Variants in SYTL2 observed in about 807,000 individuals in gnomAD.
SYTL2 encodes the protein synaptotagmin like 2.
Under a neutral mutation model 198.7 loss-of-function variants are expected in SYTL2, and 165 were observed. The ratio of observed to expected loss-of-function variants is 0.83; its 90% CI spans 0.73 to 0.94. The LOEUF (loss-of-function observed/expected upper bound fraction) is 0.94. SYTL2 is among the 40% of genes least tolerant of loss of function. The pLI, the probability that SYTL2 is intolerant of heterozygous loss-of-function variation, is 0.00. For synonymous variants in SYTL2, 966 were observed against 917.7 expected (o/e 1.05, Z -0.95); for missense variants, 2,835 against 2,582.8 (o/e 1.10, Z -2.12).
the SYTL2 span, among the ~76,000 whole-genome samples, chr11:85,821,898 T>C: frequency 6.6e-6 from 1 of 152,188 alleles, no homozygotes; most frequent in African/African-American, 2.4e-5. Flanking sequence ...TGAATAGCTC[T>C]ACCTGAATGA....
At position 85,726,223 on chromosome 11, in the gene SYTL2, A is replaced by T; in HGVS notation, c.3135T>A (p.Val1045=). The T allele has an allele frequency of 6.2e-7, 1 of 1,613,118 alleles. No individual in the cohort carries two copies. The highest frequency in any genetic ancestry group is 1.3e-5 in the African/African-American group (1 of 74,922). Residue 1045 remains valine (V), a synonymous_variant, in exon 8 of 20, where the codon GTT becomes GTA. Transcript: ENST00000359152. ...ATTTCTCCATTTCCTCTCTTGCCATAACTTTTTTTGGGCTTAGAAGCACCT... is the reference window on the plus strand; with the variant it reads ...ATTTCTCCATTTCCTCTCTTGCCATTACTTTTTTTGGGCTTAGAAGCACCT... ...EAEVLLSPKK[V]MAREEMEKLN... is the part of the protein sequence containing the mutation.
In SYTL2 at chr11:85,714,501, G is replaced by A. The variant is rs1485878761; in HGVS notation, c.5537C>T (p.Thr1846Ile). The change falls in exon 12 of 20, where the codon ACA (threonine) becomes ATA (isoleucine). Residue 1846 changes from threonine (T) to isoleucine (I), a missense_variant. Transcript: ENST00000359152. ...TGGATTATCAGGTTGTGTAGGCACT[G>A]TGGAAACTAAACAGCAGCATTTCCA... is the stretch of plus-strand genomic sequence containing the variant. ...VTNECVPRISTVPTQPDNPFS... is the reference protein window; with the variant it reads ...VTNECVPRISIVPTQPDNPFS... 1 of 1,611,892 alleles carries A rather than the reference G, an allele frequency of 6.2e-7. No homozygotes were observed. Among genetic ancestry groups the A allele is most frequent in the Non-Finnish European group, 8.5e-7 (1 of 1,178,222 alleles).
rs780214582 is a variant in SYTL2 at position 85,737,611 on chromosome 11, C to T, written c.435G>A (p.Gln145=). The T allele has an allele frequency of 1.2e-6, 2 of 1,613,936 alleles. No individual in the cohort carries two copies. The highest frequency in any genetic ancestry group is 2.2e-5 in the South Asian group (2 of 91,064). The part of the protein sequence containing the change: ...NPASSVIDMS[Q]ENTRKPNVSP... ...ACACATTTGGTTTCCTTGTGTTTTC[C>T]TGGGACATATCAATCACACTGGAAG... Residue 145 remains glutamine (Q), a synonymous_variant, in exon 5 of 20, where the codon CAG becomes CAA. Transcript: ENST00000359152.
intron 7 of SYTL2, 50 bp downstream of exon 7, chr11:85,733,889 G>C (rs369031745): frequency 1.3e-6 from 2 of 1,527,716 alleles, no homozygotes; most frequent in Non-Finnish European, 1.8e-6. Context: ...GTGAGCCACC[G>C]CGCCCGGCCC....
chr11:85,824,336 G>C, the SYTL2 span, among the ~76,000 whole-genome samples: 7 of 152,010 alleles, frequency 4.6e-5, no homozygotes, highest in African/African-American at 1.7e-4. Flanking sequence ...GTGTGTGTGA[G>C]GAGGGAAGGA....
intron 1 of SYTL2, among the ~76,000 whole-genome samples, chr11:85,770,612 C>A (rs1303417720): frequency 6.6e-6 from 1 of 152,142 alleles, no homozygotes; most frequent in African/African-American, 2.4e-5. Context: ...AACTACAGCC[C>A]ATCCATTCCC....
At chr11:85,793,870 T>C (rs10898409) in intron 1 of SYTL2, among the ~76,000 whole-genome samples, 19,490 of 152,202 alleles carry the variant, frequency 0.13, 1,605 homozygotes, top group African/African-American at 0.23. Context: ...CTCATACAGA[T>C]ATGAACCCTG....
chr11:85,766,665 T>C (rs1000045909), intron 1 of SYTL2, among the ~76,000 whole-genome samples: 1 of 152,114 alleles, frequency 6.6e-6, no homozygotes, highest in African/African-American at 2.4e-5. Context: ...AGAGGGTAAT[T>C]TGTATGCGCC....
In SYTL2 at chr11:85,727,618, T is replaced by C. The variant is rs1257173558; in HGVS notation, c.1740A>G (p.Lys580=). 6.5e-7 allele frequency: 1 copy of C among 1,536,086 alleles called. No homozygotes were observed. Residue 580 remains lysine, a synonymous_variant, in exon 8 of 20, where the codon AAA becomes AAG. Transcript: ENST00000359152. Reference sequence around the variant, plus strand: ...CAGATCTCACAGGCTTCAATTCAATTTTGCTGGGTGATAGGGTCTTTGAGC... The same window carrying C: ...CAGATCTCACAGGCTTCAATTCAATCTTGCTGGGTGATAGGGTCTTTGAGC... ...ENGSKTLSPS[K]IELKPVRSDS...
rs2083658438 is a variant in SYTL2 at position 85,697,980 on chromosome 11, A to G, written c.6367T>C (p.Cys2123Arg). The change falls in exon 18 of 20, where the codon TGT (cysteine) becomes CGT (arginine). Residue 2123 changes from cysteine (C) to arginine (R), a missense_variant and splice_region_variant. Around this residue, in one of 3 missense-constraint regions of SYTL2, gnomAD observed 185 missense variants for 182.1 expected, o/e 1.02. Transcript: ENST00000359152. ...AGACAGAGTCATCAATACTATTACC[A>G]TTTAACAAAAGAATTTAGATGACTT... ...RGSHLNSFVK[C>R]TILPDTSRKS... 2 of 1,605,080 alleles carry G rather than the reference A, an allele frequency of 1.2e-6. No homozygotes were observed. Among genetic ancestry groups the G allele is most frequent in the East Asian group, 4.5e-5 (2 of 44,832 alleles).
intron 4 of SYTL2, among the ~76,000 whole-genome samples, chr11:85,742,635 C>G (rs560794350): frequency 4.1e-4 from 62 of 152,298 alleles, no homozygotes; most frequent in African/African-American, 1.5e-3. Context: ...ACGGGCTTAT[C>G]TTTTGCATGC....
chr11:85,778,384 G>A (rs763950848), intron 1 of SYTL2, among the ~76,000 whole-genome samples: 13 of 152,172 alleles, frequency 8.5e-5, no homozygotes, highest in Middle Eastern at 6.3e-3. Context: ...GTTTGGACTC[G>A]AAGCTGAAAG....
the SYTL2 span, among the ~76,000 whole-genome samples, chr11:85,840,033 A>G: frequency 6.6e-6 from 1 of 152,178 alleles, no homozygotes; most frequent in East Asian, 1.9e-4. Flanking sequence ...TTCTCTGATG[A>G]TCAATGATGT....
rs775095689 is a variant in SYTL2 at position 85,734,273 on chromosome 11, C to T, written c.1056G>A (p.Arg352=). 1.2e-6 allele frequency: 2 copies of T among 1,614,042 alleles called. No individual in the cohort carries two copies. Among genetic ancestry groups the T allele is most frequent in the East Asian group, 2.2e-5 (1 of 44,896 alleles). ...LPQSPGLIHG[R]EVGEFSVLES... is the part of the protein sequence containing the mutation. The stretch of plus-strand genomic sequence containing the variant: ...CTAAAACACTAAATTCTCCTACTTC[C>T]CGACCATGGATTAGCCCAGGACTCT... The change falls in exon 7 of 20, where the codon CGG becomes CGA. Residue 352 remains arginine (R), a synonymous_variant. Coordinates refer to ENST00000359152, the MANE Select transcript of SYTL2 (RefSeq NM_206927.4).
Position 85,695,212 on chromosome 11 carries a change from C to G in SYTL2, c.6703G>C (p.Ala2235Pro), listed in dbSNP as rs1249454255. ...ATTTGGGCTCATTTGGAAATCTTGGCAATCAAAAGCATTCTGAGAGGCAGT... is the reference window on the plus strand; with the variant it reads ...ATTTGGGCTCATTTGGAAATCTTGGGAATCAAAAGCATTCTGAGAGGCAGT... Reference protein sequence around the residue: ...ATLPLRMLLIAKISK With the variant: ...ATLPLRMLLIPKISK Residue 2235 changes from alanine (A) to proline (P), a missense_variant, in exon 20 of 20, where the codon GCC becomes CCC. Coordinates refer to ENST00000359152, the MANE Select transcript of SYTL2 (RefSeq NM_206927.4). 2 of 1,611,402 alleles carry G rather than the reference C, an allele frequency of 1.2e-6. No individual in the cohort carries two copies. The highest frequency in any genetic ancestry group is 1.7e-6 in the Non-Finnish European group (2 of 1,178,506).
chr11:85,757,920 G>A lies in SYTL2; in HGVS notation c.-195C>T. ...CAAGATCCTAAGTGCTCTTTCCCAT[G>A]AGGAAGTCCTGGTCTGTGGGATAGT... is the stretch of plus-strand genomic sequence containing the variant. On this transcript the variant is annotated 5_prime_UTR_variant, in exon 2 of 20. Coordinates refer to ENST00000359152, the MANE Select transcript of SYTL2 (RefSeq NM_206927.4). The A allele has an allele frequency of 1.5e-6, 1 of 651,848 alleles. No individual in the cohort carries two copies. Among genetic ancestry groups the A allele is most frequent in the Middle Eastern group, 4.4e-4 (1 of 2,292 alleles). 40.4% of individuals were successfully genotyped at this position (651,848 alleles called of 1,614,324 possible).
chr11:85,837,864 C>T, the SYTL2 span, among the ~76,000 whole-genome samples: 1 of 152,194 alleles, frequency 6.6e-6, no homozygotes, highest in East Asian at 1.9e-4. Flanking sequence ...CTTTTCCAAA[C>T]CACGCTTTCT....
chr11:85,749,516 G>C (rs1006107509), intron 2 of SYTL2, among the ~76,000 whole-genome samples: 2 of 152,144 alleles, frequency 1.3e-5, no homozygotes, highest in Non-Finnish European at 2.9e-5. Context: ...AAAAGAGGGG[G>C]AGCAGTTATC....
intron 10 of SYTL2, 23 bp downstream of exon 10, chr11:85,718,767 C>A (rs115218567): frequency 1.9e-6 from 3 of 1,608,978 alleles, no homozygotes; most frequent in Admixed American, 3.3e-5. Context: ...AAGACAGACA[C>A]GCAAATACAT....
Sources: gnomAD v4.1 joint callset for allele counts (sites outside exome capture counted in the v4.1 genomes callset) on GRCh38, gnomAD v4.1.1 for gene constraint, gnomAD v4.1.1 regional missense constraint, MANE v1.5 for transcripts, NCBI Gene and HGNC (gene_info 2026-07-23, HGNC 2026-07-21) for gene names.